Variants in REL observed in about 807,000 individuals in gnomAD.
The protein encoded by REL is REL proto-oncogene, NF-kB subunit.
REL carries 15 observed loss-of-function variants against 45.9 expected under a neutral mutation model. The ratio of observed to expected loss-of-function variants is 0.33; its 90% CI spans 0.22 to 0.50. The LOEUF (loss-of-function observed/expected upper bound fraction) is 0.50, where lower values mean the gene tolerates loss of function less well. Ranked by LOEUF, REL falls within the 20% of genes least tolerant of loss-of-function variation. The pLI is 0.98. For synonymous variants in REL, 239 were observed against 242.1 expected (o/e 0.99, Z 0.12); for missense variants, 601 against 715.2 (o/e 0.84, Z 1.82).
In REL at chr2:60,920,490, C is replaced by A; in HGVS notation, c.923-84C>A. On this transcript the variant is annotated intron_variant, in intron 8 of 9. Coordinates refer to ENST00000394479, the MANE Select transcript of REL (RefSeq NM_001291746.2). ...TGCTGGGATTACAGGTGGGAGCCACCACGCCCGGCCAGTTTTTCAGATTTT... is the reference window on the plus strand; with the variant it reads ...TGCTGGGATTACAGGTGGGAGCCACAACGCCCGGCCAGTTTTTCAGATTTT... 1 of 1,053,560 alleles carries A rather than the reference C, an allele frequency of 9.5e-7. No individual in the cohort carries two copies. The highest frequency in any genetic ancestry group is 1.8e-5 in the Admixed American group (1 of 55,068). The allele number at this position is 1,053,560 out of a possible 1,614,324, so 65.3% of individuals were successfully genotyped here.
At chr2:60,890,486 G>A (rs1467388242) in intron 1 of REL, among the ~76,000 whole-genome samples, 1 of 152,108 alleles carries the variant, frequency 6.6e-6, no homozygotes, top group Non-Finnish European at 1.5e-5. Flanking sequence ...AGGATTGCTT[G>A]CGTTCTAACA....
intron 1 of REL, among the ~76,000 whole-genome samples, chr2:60,882,874 T>G (rs1012338664): frequency 3.9e-5 from 6 of 152,154 alleles, no homozygotes; most frequent in African/African-American, 1.4e-4. Context: ...TTTCCCTTAA[T>G]AAATGCTCGA....
chr2:60,922,209 C>T lies in REL; in HGVS notation c.1438C>T (p.Pro480Ser), dbSNP rs541714900. ...TGACAGCATGGGAGAGACTGATAAT[C>T]CAAGACTTCTGAGCATGAATCTTGA... ...SSDSMGETDN[P>S]RLLSMNLENP... Residue 480 changes from proline to serine, a missense_variant, in exon 10 of 10, where the codon CCA becomes TCA. Coordinates refer to ENST00000394479, the MANE Select transcript of REL (RefSeq NM_001291746.2). 2 of 1,614,112 alleles carry T rather than the reference C, an allele frequency of 1.2e-6. No individual in the cohort carries two copies. Among genetic ancestry groups the T allele is most frequent in the Admixed American group, 1.7e-5 (1 of 60,010 alleles).
At chr2:60,886,278 A>G (rs144510280) in intron 1 of REL, among the ~76,000 whole-genome samples, 1 of 152,206 alleles carries the variant, frequency 6.6e-6, no homozygotes, top group Non-Finnish European at 1.5e-5. Flanking sequence ...ATTCTGATGT[A>G]CATCCCCAGT....
At chr2:60,914,258 C>T (rs1325503335) in intron 4 of REL, among the ~76,000 whole-genome samples, 3 of 152,212 alleles carry the variant, frequency 2.0e-5, no homozygotes, top group African/African-American at 7.2e-5. Context: ...TACACTGAAT[C>T]TTGCATTGGG....
chr2:60,909,451 A>ATT (rs879894792), intron 4 of REL, among the ~76,000 whole-genome samples: 4 of 145,472 alleles, frequency 2.7e-5, no homozygotes, highest in East Asian at 2.0e-4. Context: ...GACTTAGTTC[A>ATT]TTTTTTTTTT....
rs1451564062 is a variant in REL, at chr2:60,921,169, C to T, written c.991+527C>T. 2.0e-5 allele frequency among the ~76,000 whole-genome samples: 3 copies of T among 152,084 alleles called. No individual in the cohort carries two copies. In the East Asian group the frequency reaches 5.8e-4, roughly 29 times the overall value. On this transcript the variant is annotated intron_variant, in intron 9 of 9. Coordinates refer to ENST00000394479, the MANE Select transcript of REL (RefSeq NM_001291746.2). Reference sequence around the variant, plus strand: ...TAATTAGAAGAAGTCTTTTTTCCCCCACGTACATTCTTAAATCATTGCTTT... The same window carrying T: ...TAATTAGAAGAAGTCTTTTTTCCCCTACGTACATTCTTAAATCATTGCTTT...
chr2:60,890,931 A>G (rs1280303273), intron 1 of REL, among the ~76,000 whole-genome samples: 1 of 152,234 alleles, frequency 6.6e-6, no homozygotes, highest in Non-Finnish European at 1.5e-5. Flanking sequence ...TTCACTCAGC[A>G]TAATCATTTT....
intron 3 of REL, among the ~76,000 whole-genome samples, chr2:60,895,447 C>G (rs1673325508): frequency 6.6e-6 from 1 of 152,038 alleles, no homozygotes; most frequent in Non-Finnish European, 1.5e-5. Flanking sequence ...TCCCAAAGTG[C>G]TTGGGATTAC....
chr2:60,896,721 T>G (rs564768410), intron 3 of REL, among the ~76,000 whole-genome samples: 27 of 152,308 alleles, frequency 1.8e-4, no homozygotes, highest in African/African-American at 6.3e-4. Context: ...CTTGAAACAT[T>G]TTTATTCCTT....
At chr2:60,893,317 T>C (rs998473838) in intron 2 of REL, among the ~76,000 whole-genome samples, 1 of 152,240 alleles carries the variant, frequency 6.6e-6, no homozygotes. Context: ...GGCAAAATTA[T>C]ATATATTGAA....
intron 3 of REL, among the ~76,000 whole-genome samples, chr2:60,898,504 G>A (rs893764811): frequency 3.9e-5 from 6 of 152,100 alleles, no homozygotes; most frequent in Non-Finnish European, 7.4e-5. Context: ...TCCAGCATAG[G>A]CTCCCATAAC....
intron 4 of REL, 93 bp downstream of exon 4, chr2:60,901,176 G>C: frequency 9.5e-7 from 1 of 1,057,328 alleles, no homozygotes; most frequent in Non-Finnish European, 1.2e-6. Context: ...TTTTTTTTGA[G>C]ACGGAGTTTT....
At position 60,891,762 on chromosome 2, in the gene REL, A is replaced by G. The variant is rs1673221627; in HGVS notation, c.90A>G (p.Arg30=). 1 of 1,614,110 alleles carries G rather than the reference A, an allele frequency of 6.2e-7. No homozygotes were observed. The highest frequency in any genetic ancestry group is 1.7e-5 in the Admixed American group (1 of 60,020). Residue 30 remains arginine (R), a synonymous_variant, in exon 2 of 10, where the codon CGA becomes CGG. Coordinates refer to ENST00000394479, the MANE Select transcript of REL (RefSeq NM_001291746.2). ...GTTTTAGATACAAATGTGAAGGGCG[A>G]TCAGCAGGCAGCATTCCAGGGGAGC... ...GMRFRYKCEG[R]SAGSIPGEHS...
At chr2:60,917,370 C>G (rs1674003490) in intron 5 of REL, among the ~76,000 whole-genome samples, 1 of 152,022 alleles carries the variant, frequency 6.6e-6, no homozygotes, top group East Asian at 1.9e-4. Flanking sequence ...CTTTTAATCA[C>G]CTTATTCTTT....
At chr2:60,920,296 G>A (rs1396618503) in intron 8 of REL, 187 bp downstream of exon 8, 1 of 619,812 alleles carries the variant, frequency 1.6e-6, no homozygotes, top group African/African-American at 1.9e-5. Flanking sequence ...CTGCCCCCCA[G>A]GTTCAACAAT....
intron 7 of REL, 96 bp downstream of exon 7, chr2:60,918,702 T>G (rs1674051332): frequency 4.8e-6 from 4 of 832,110 alleles, no homozygotes; most frequent in Non-Finnish European, 7.8e-6. Flanking sequence ...GTTATGTATA[T>G]TCATAATTTA....
At chr2:60,921,360 A>G (rs555194106) in intron 9 of REL, among the ~76,000 whole-genome samples, 3 of 152,302 alleles carry the variant, frequency 2.0e-5, no homozygotes, top group Non-Finnish European at 2.9e-5. Context: ...TGTTGTCTCC[A>G]TCCTTCCATT....
At chr2:60,890,961 A>C (rs1327978612) in intron 1 of REL, among the ~76,000 whole-genome samples, 1 of 152,198 alleles carries the variant, frequency 6.6e-6, no homozygotes, top group African/African-American at 2.4e-5. Flanking sequence ...CCATGTTATT[A>C]TATGTAGCAG....
Sources: allele counts gnomAD v4.1 joint callset (sites outside exome capture counted in the v4.1 genomes callset), GRCh38; gene constraint gnomAD v4.1.1; transcripts MANE v1.5; gene names NCBI Gene and HGNC (gene_info 2026-07-23, HGNC 2026-07-21).